Variants in TSNARE1 observed in about 807,000 individuals in gnomAD.
TSNARE1 encodes t-SNARE domain containing 1.
In TSNARE1, 49 loss-of-function variants were observed where a neutral mutation model predicts 62.0. That is an observed-to-expected ratio of 0.79 (90% confidence interval 0.63 to 1.00). The LOEUF is 1.00. TSNARE1 is among the 50% of genes least tolerant of loss of function. The pLI is 0.00. For synonymous variants in TSNARE1, 328 were observed against 294.4 expected (o/e 1.11, Z -1.17); for missense variants, 755 against 700.1 (o/e 1.08, Z -0.88).
intron 12 of TSNARE1, among the ~76,000 whole-genome samples, chr8:142,233,910 C>T (rs563433860): frequency 6.6e-6 from 1 of 152,246 alleles, no homozygotes; most frequent in African/African-American, 2.4e-5. Context: ...CCCAGCTTCC[C>T]CCTGCACAGA....
intron 6 of TSNARE1, among the ~76,000 whole-genome samples, chr8:142,322,438 C>T (rs546902195): frequency 3.9e-4 from 60 of 152,260 alleles, no homozygotes; most frequent in African/African-American, 1.4e-3. Context: ...GGGGAAAGAA[C>T]TAAGAAGCAT....
At chr8:142,244,818 G>A (rs997839403) in intron 12 of TSNARE1, among the ~76,000 whole-genome samples, 3 of 152,218 alleles carry the variant, frequency 2.0e-5, no homozygotes, top group East Asian at 1.9e-4. Flanking sequence ...CCTGCCACTC[G>A]CAGGGGAGCA....
At chr8:142,379,907 G>A (rs1836610183) in intron 1 of TSNARE1, among the ~76,000 whole-genome samples, 1 of 152,204 alleles carries the variant, frequency 6.6e-6, no homozygotes, top group Non-Finnish European at 1.5e-5. Flanking sequence ...GGTCCCTGAG[G>A]GAAAGGAAGC....
intron 1 of TSNARE1, among the ~76,000 whole-genome samples, chr8:142,398,144 C>G (rs1838026831): frequency 6.6e-6 from 1 of 152,078 alleles, no homozygotes; most frequent in African/African-American, 2.4e-5. Context: ...TAAGGCCACT[C>G]AGCTCTCCAG....
At chr8:142,254,302 C>A (rs1003251227) in intron 12 of TSNARE1, among the ~76,000 whole-genome samples, 1 of 152,192 alleles carries the variant, frequency 6.6e-6, no homozygotes, top group African/African-American at 2.4e-5. Flanking sequence ...CTTCCTGGCA[C>A]GGAGGCCCTC....
chr8:142,224,852 G>A (rs1030150214), intron 13 of TSNARE1, among the ~76,000 whole-genome samples: 11 of 152,188 alleles, frequency 7.2e-5, no homozygotes, highest in Non-Finnish European at 1.3e-4. Flanking sequence ...GGGCAGAGCA[G>A]TCAGGATGCT....
At chr8:142,355,831 G>A (rs12682479) in intron 1 of TSNARE1, among the ~76,000 whole-genome samples, 42,313 of 152,020 alleles carry the variant, frequency 0.28, 7,649 homozygotes, top group African/African-American at 0.51. Flanking sequence ...CGGGGAAGGC[G>A]GTGTGACCCC....
chr8:142,302,481 C>T (rs1004648511), intron 9 of TSNARE1, among the ~76,000 whole-genome samples: 3 of 152,116 alleles, frequency 2.0e-5, no homozygotes, highest in Admixed American at 6.5e-5. Context: ...CCTGCTGGGA[C>T]AGGACTCTCA....
chr8:142,270,845 T>C (rs28472969), intron 12 of TSNARE1: 496,514 of 985,140 alleles, frequency 0.5, 129,290 homozygotes, highest in African/African-American at 0.85. Context: ...GTCCACTGAG[T>C]CCCACAGGTC....
At chr8:142,233,543 C>T (rs4976980) in intron 12 of TSNARE1, among the ~76,000 whole-genome samples, 81,338 of 152,082 alleles carry the variant, frequency 0.53, 22,838 homozygotes, top group African/African-American at 0.69. Context: ...ATCTCAGCAA[C>T]GGGGCCAGGA....
intron 1 of TSNARE1, chr8:142,365,909 A>G (rs756521688): frequency 1.1e-4 from 50 of 453,444 alleles, no homozygotes; most frequent in Non-Finnish European, 2.1e-4. Context: ...GAAGAGACCT[A>G]CCATGTTCAT....
intron 6 of TSNARE1, among the ~76,000 whole-genome samples, chr8:142,329,005 T>C (rs1330489066): frequency 6.6e-6 from 1 of 152,238 alleles, no homozygotes; most frequent in Non-Finnish European, 1.5e-5. Context: ...GCCTTTTCCC[T>C]GACGAAATGA....
intron 12 of TSNARE1, among the ~76,000 whole-genome samples, chr8:142,240,151 C>G (rs976080768): frequency 7.2e-5 from 11 of 151,968 alleles, no homozygotes; most frequent in African/African-American, 2.4e-4. Flanking sequence ...TGAAAAATAA[C>G]AGGAAAATAT....
At chr8:142,323,208 A>C (rs1017836984) in intron 6 of TSNARE1, among the ~76,000 whole-genome samples, 1 of 152,250 alleles carries the variant, frequency 6.6e-6, no homozygotes, top group African/African-American at 2.4e-5. Flanking sequence ...AGGTAATCCC[A>C]AAAAATTATA....
intron 13 of TSNARE1, among the ~76,000 whole-genome samples, chr8:142,227,338 ACCCCC>A (rs1563761193): frequency 1.7e-4 from 17 of 101,794 alleles, no homozygotes; most frequent in African/African-American, 1.4e-3. Context: ...GATAGCCAGG[ACCCCC>A]ATCCTGCCCA....
intron 12 of TSNARE1, among the ~76,000 whole-genome samples, chr8:142,269,274 C>T (rs1304567723): frequency 6.6e-6 from 1 of 152,182 alleles, no homozygotes; most frequent in African/African-American, 2.4e-5. Context: ...AGGATCAATG[C>T]TCCATGTGTA....
At chr8:142,313,928 G>A (rs188313935) in intron 9 of TSNARE1, among the ~76,000 whole-genome samples, 248 of 152,238 alleles carry the variant, frequency 1.6e-3, no homozygotes, top group African/African-American at 5.7e-3. Flanking sequence ...ACAGGTGCTC[G>A]CCACCACGCC....
chr8:142,362,765 G>A (rs1835258645), intron 1 of TSNARE1, among the ~76,000 whole-genome samples: 2 of 152,196 alleles, frequency 1.3e-5, no homozygotes, highest in African/African-American at 4.8e-5. Flanking sequence ...TCCAGGAGCA[G>A]AAGACCTGGC....
intron 10 of TSNARE1, among the ~76,000 whole-genome samples, chr8:142,287,056 TAGAC>T (rs1586563166): frequency 6.6e-6 from 1 of 152,314 alleles, no homozygotes; most frequent in Non-Finnish European, 1.5e-5. Context: ...AACCCACATT[TAGAC>T]AGACTCCAAC....
Sources: allele counts gnomAD v4.1 joint callset (sites outside exome capture counted in the v4.1 genomes callset), GRCh38; gene constraint gnomAD v4.1.1; transcripts MANE v1.5; gene names NCBI Gene and HGNC (gene_info 2026-07-23, HGNC 2026-07-21).